CUX1: variants seen among roughly 807,000 people sequenced by gnomAD.
CUX1 encodes cut like homeobox 1, also known as protein CASP.
Under a neutral mutation model 158.8 loss-of-function variants are expected in CUX1, and 31 were observed. The ratio of observed to expected loss-of-function variants is 0.20; its 90% confidence interval spans 0.15 to 0.26. The LOEUF (loss-of-function observed/expected upper bound fraction) is 0.26. Among genes scored for constraint, CUX1 ranks in the 10% least tolerant of loss-of-function variants. CUX1 has a pLI of 1.00. For synonymous variants in CUX1, 879 were observed against 862.1 expected (o/e 1.02, Z -0.34); for missense variants, 1,589 against 2,014.6 (o/e 0.79, Z 4.04).
At position 102,227,382 on chromosome 7, in the gene CUX1, C is replaced by G; in HGVS notation, c.3146C>G (p.Thr1049Ser). Residue 1049 changes from threonine (T) to serine (S), a missense_variant, in exon 21 of 24, where the codon ACC becomes AGC. Coordinates refer to ENST00000292535, the MANE Select transcript of CUX1 (RefSeq NM_181552.4). ...GCVSSESTPK[T>S]SASCSPAPES... is the part of the protein sequence containing the mutation. The stretch of plus-strand genomic sequence containing the variant: ...TTAATTACAGAAAGCACTCCAAAGA[C>G]CTCCGCCAGCTGCAGCCCTGCCCCT... The G allele has an allele frequency of 6.2e-7, 1 of 1,608,496 alleles. No homozygotes were observed. The highest frequency in any genetic ancestry group is 8.5e-7 in the Non-Finnish European group (1 of 1,175,628).
At chr7:102,163,735 A>C (rs1790708454) in intron 9 of CUX1, among the ~76,000 whole-genome samples, 1 of 152,180 alleles carries the variant, frequency 6.6e-6, no homozygotes, top group Non-Finnish European at 1.5e-5. Flanking sequence ...GGGCAGGAAG[A>C]GGAGGGCGCA....
Position 102,165,851 on chromosome 7 carries a change from A to G in CUX1, c.724-4595A>G, listed in dbSNP as rs1469408027. Among the ~76,000 whole-genome samples the G allele has an allele frequency of 1.3e-5, 2 of 151,942 alleles. 1 individual carries two copies. On this transcript the variant is annotated intron_variant, in intron 9 of 23. Transcript: ENST00000292535. ...CCCAGGGAGCAGAAAAGCCTCCTTCACCTTCCCCAGAGAAGCGAGGCTCCC... is the reference window on the plus strand; with the variant it reads ...CCCAGGGAGCAGAAAAGCCTCCTTCGCCTTCCCCAGAGAAGCGAGGCTCCC...
Position 102,251,796 on chromosome 7 carries a change from T to G in CUX1, c.*2754T>G, listed in dbSNP as rs1801538819. 1 of 985,354 alleles carries G rather than the reference T, an allele frequency of 1.0e-6. No homozygotes were observed. The highest frequency in any genetic ancestry group is 6.1e-5 in the Admixed American group (1 of 16,268). The allele number at this position is 985,354 out of a possible 1,614,324, so 61.0% of individuals were successfully genotyped here. On this transcript the variant is annotated 3_prime_UTR_variant, in exon 24 of 24. Transcript: ENST00000292535. ...TAATTTTCATAAGAATGAAAAGAAGTTAACAGGAAATAGTAGGCTAGGGTT... is the reference window on the plus strand; with the variant it reads ...TAATTTTCATAAGAATGAAAAGAAGGTAACAGGAAATAGTAGGCTAGGGTT...
At chr7:102,142,196 G>A (rs1554500544) in intron 8 of CUX1, among the ~76,000 whole-genome samples, 1 of 152,178 alleles carries the variant, frequency 6.6e-6, no homozygotes, top group African/African-American at 2.4e-5. Flanking sequence ...AGAGAGAGAA[G>A]CCCGCGTCTT....
chr7:101,827,242 C>CGCCT (rs1562893069), intron 1 of CUX1, among the ~76,000 whole-genome samples: 7 of 69,620 alleles, frequency 1.0e-4, no homozygotes, highest in Non-Finnish European at 3.1e-5. Context: ...CTCCCCTCCC[C>CGCCT]TCCTTCTCTT....
At chr7:102,096,077 A>G (rs1829146013) in intron 4 of CUX1, among the ~76,000 whole-genome samples, 1 of 152,252 alleles carries the variant, frequency 6.6e-6, no homozygotes, top group Admixed American at 6.5e-5. Flanking sequence ...CTGGAAGTGA[A>G]TCTGATGGCA....
chr7:101,861,009 C>T (rs1198612712), intron 1 of CUX1, among the ~76,000 whole-genome samples: 2 of 152,120 alleles, frequency 1.3e-5, no homozygotes, highest in Non-Finnish European at 2.9e-5. Context: ...TAGTCTTGAA[C>T]TGGCCTCAAG....
At chr7:102,268,882 C>T (rs1173450784) in intron 14 of CUX1, among the ~76,000 whole-genome samples, 7 of 151,870 alleles carry the variant, frequency 4.6e-5, no homozygotes, top group African/African-American at 1.2e-4. Context: ...ACAAGGGACC[C>T]GCCCTGTCCC....
chr7:102,188,902 A>T (rs1793953970), intron 11 of CUX1: 1 of 151,742 alleles, frequency 6.6e-6, no homozygotes, highest in South Asian at 2.1e-4. Flanking sequence ...ACCTTTCTGG[A>T]GCCCACTGGA....
At chr7:102,128,606 C>CT (rs1832898669) in intron 8 of CUX1, among the ~76,000 whole-genome samples, 2 of 151,650 alleles carry the variant, frequency 1.3e-5, no homozygotes, top group African/African-American at 4.8e-5. Context: ...ATCGTAAAGA[C>CT]CTGGGTTTAA....
At chr7:101,875,672 C>T (rs775773717) in intron 1 of CUX1, among the ~76,000 whole-genome samples, 4 of 152,162 alleles carry the variant, frequency 2.6e-5, no homozygotes, top group Admixed American at 6.5e-5. Context: ...ACCTGAGACG[C>T]GTTGAGCCCC....
chr7:102,170,331 T>G, intron 9 of CUX1, 115 bp from the exon 10 acceptor site: 1 of 701,546 alleles, frequency 1.4e-6, no homozygotes, highest in Admixed American at 2.9e-5. Context: ...TTAGGTTGAG[T>G]GTTTAGGAAA....
At chr7:101,964,720 A>C (rs552507533) in intron 2 of CUX1, among the ~76,000 whole-genome samples, 1 of 152,312 alleles carries the variant, frequency 6.6e-6, no homozygotes, top group East Asian at 1.9e-4. Flanking sequence ...TGTCCCCAGC[A>C]ACCAGAATAT....
At position 102,227,791 on chromosome 7, in the gene CUX1, G is replaced by A. The variant is rs1233162139; in HGVS notation, c.3433+122G>A. ...CTCAACTTGTGTAGGCACCCTTTGAGAACATGAAACATCCTATAGTTGTGA... is the reference window on the plus strand; with the variant it reads ...CTCAACTTGTGTAGGCACCCTTTGAAAACATGAAACATCCTATAGTTGTGA... On this transcript the variant is annotated intron_variant, in intron 21 of 23. Coordinates refer to ENST00000292535, the MANE Select transcript of CUX1 (RefSeq NM_181552.4). 1.0e-5 allele frequency: 10 copies of A among 980,556 alleles called. No individual in the cohort carries two copies. In the African/African-American group the frequency reaches 1.6e-4, roughly 16 times the overall value. 60.7% of individuals were successfully genotyped at this position (980,556 alleles called of 1,614,324 possible).
At chr7:102,122,573 A>G (rs1438434317) in intron 8 of CUX1, among the ~76,000 whole-genome samples, 10 of 152,188 alleles carry the variant, frequency 6.6e-5, no homozygotes, top group African/African-American at 2.4e-4. Context: ...TCTGAATAGT[A>G]CAACCATGAC....
chr7:102,145,990 GAGA>G, intron 8 of CUX1, among the ~76,000 whole-genome samples: 1 of 152,122 alleles, frequency 6.6e-6, no homozygotes, highest in East Asian at 1.9e-4. Context: ...AAATGCAGTG[GAGA>G]AGAATTCCAA....
At chr7:102,260,100 GGGAA>G (rs1790279115), downstream of CUX1, among the ~76,000 whole-genome samples, 1 of 144,784 alleles carries the variant, frequency 6.9e-6, no homozygotes. Context: ...AAATCTTGGG[GGGAA>G]AAAAAAAAAA....
intron 4 of CUX1, among the ~76,000 whole-genome samples, chr7:102,096,092 T>G (rs540923085): frequency 6.6e-6 from 1 of 152,262 alleles, no homozygotes; most frequent in Non-Finnish European, 1.5e-5. Context: ...ATGGCAGATA[T>G]GACCTTGAAT....
intron 21 of CUX1, among the ~76,000 whole-genome samples, chr7:102,228,691 G>A (rs1439946551): frequency 2.0e-5 from 3 of 152,146 alleles, no homozygotes; most frequent in African/African-American, 4.8e-5. Flanking sequence ...TCAGCTACTC[G>A]GGAGGCTGAA....
Sources: gnomAD v4.1 joint callset for allele counts (sites outside exome capture counted in the v4.1 genomes callset) on GRCh38, gnomAD v4.1.1 for gene constraint, MANE v1.5 for transcripts, NCBI Gene and HGNC (gene_info 2026-07-23, HGNC 2026-07-21) for gene names.